GALNT13: variants seen among roughly 807,000 people sequenced by gnomAD.
GALNT13 encodes UDP-GalNAc:polypeptide N-acetylgalactosaminyltransferase 13.
In GALNT13, 28 loss-of-function variants were observed where a neutral mutation model predicts 64.2. The ratio of observed to expected loss-of-function variants is 0.44; its 90% CI spans 0.32 to 0.60. The LOEUF (loss-of-function observed/expected upper bound fraction) is 0.60, where lower values mean the gene tolerates loss of function less well. Among genes scored for constraint, GALNT13 ranks in the 20% least tolerant of loss-of-function variants. The probability of loss-of-function intolerance (pLI) is 0.05; values close to 1 mark genes in which losing one functional copy is unlikely to be tolerated. For missense variants in GALNT13, 577 were observed against 669.8 expected, an observed-to-expected ratio of 0.86 and a Z score of 1.53; for synonymous variants, 214 against 224.6, an observed-to-expected ratio of 0.95 and a Z score of 0.42.
At chr2:153,197,663 G>A in the GALNT13 span, among the ~76,000 whole-genome samples, 1 of 152,198 alleles carries the variant, frequency 6.6e-6, no homozygotes, top group African/African-American at 2.4e-5. Flanking sequence ...TGGTTGTGTG[G>A]CAGTGAAGGC....
the GALNT13 span, among the ~76,000 whole-genome samples, chr2:153,336,008 C>T: frequency 0.021 from 3,271 of 152,286 alleles, 135 homozygotes; most frequent in African/African-American, 0.073. Context: ...AGCCCCAAGC[C>T]TTGGCATCTT....
At chr2:153,880,338 A>C in intron 1 of GALNT13, among the ~76,000 whole-genome samples, 1 of 152,160 alleles carries the variant, frequency 6.6e-6, no homozygotes, top group Admixed American at 6.5e-5. Flanking sequence ...TAATACACTA[A>C]AATAATCTTG....
chr2:153,557,587 A>G, the GALNT13 span, among the ~76,000 whole-genome samples: 30 of 152,278 alleles, frequency 2.0e-4, no homozygotes, highest in East Asian at 4.8e-3. Flanking sequence ...TTGCAACACC[A>G]GTTTGCAATC....
At chr2:154,166,633 A>G (rs2105685212) in intron 4 of GALNT13, among the ~76,000 whole-genome samples, 1 of 152,328 alleles carries the variant, frequency 6.6e-6, no homozygotes, top group Non-Finnish European at 1.5e-5. Flanking sequence ...CTGGGTATAT[A>G]CCCAAAGGAT....
intron 4 of GALNT13, among the ~76,000 whole-genome samples, chr2:154,223,448 C>CT (rs61230257): frequency 0.011 from 1,321 of 124,250 alleles, 12 homozygotes; most frequent in African/African-American, 0.016. Context: ...TTTTCTTTTT[C>CT]TTTTTTTTTT....
At chr2:153,635,402 A>ATATATATATATACACATATATGTG in the GALNT13 span, among the ~76,000 whole-genome samples, 1 of 110,574 alleles carries the variant, frequency 9.0e-6, no homozygotes, top group South Asian at 2.9e-4. Flanking sequence ...AAATATGTAT[A>ATATATATATATACACATATATGTG]TATATATATA....
chr2:153,245,080 C>T, the GALNT13 span, among the ~76,000 whole-genome samples: 1 of 152,254 alleles, frequency 6.6e-6, no homozygotes, highest in Non-Finnish European at 1.5e-5. Flanking sequence ...TTCCTCCTCA[C>T]TGCGCAGGGG....
intron 2 of GALNT13, among the ~76,000 whole-genome samples, chr2:153,937,794 G>A (rs1691050206): frequency 6.6e-6 from 1 of 152,096 alleles, no homozygotes; most frequent in Non-Finnish European, 1.5e-5. Context: ...AGGAGTACAC[G>A]GTTTATGGCC....
At chr2:153,165,686 T>A in the GALNT13 span, among the ~76,000 whole-genome samples, 1 of 152,152 alleles carries the variant, frequency 6.6e-6, no homozygotes, top group Non-Finnish European at 1.5e-5. Context: ...TTGCATAGGT[T>A]GTATTTATTA....
At chr2:154,354,832 C>G in intron 9 of GALNT13, among the ~76,000 whole-genome samples, 1 of 151,808 alleles carries the variant, frequency 6.6e-6, no homozygotes, top group East Asian at 2.0e-4. Flanking sequence ...TAATTTGTAA[C>G]CTTAGTTTCT....
the GALNT13 span, among the ~76,000 whole-genome samples, chr2:153,192,074 T>A: frequency 2.0e-5 from 3 of 152,102 alleles, no homozygotes; most frequent in East Asian, 5.8e-4. Context: ...TTATTATTTC[T>A]TTAATAATTT....
the GALNT13 span, among the ~76,000 whole-genome samples, chr2:153,103,353 A>C: frequency 6.6e-6 from 1 of 152,186 alleles, no homozygotes; most frequent in East Asian, 1.9e-4. Flanking sequence ...ACTCTTCAAA[A>C]CTACTCATGT....
At chr2:153,992,774 C>G (rs1231913290) in intron 3 of GALNT13, among the ~76,000 whole-genome samples, 2 of 152,052 alleles carry the variant, frequency 1.3e-5, no homozygotes, top group African/African-American at 4.8e-5. Flanking sequence ...TAAAGTGGAA[C>G]AAAAAAGCAG....
the GALNT13 span, among the ~76,000 whole-genome samples, chr2:153,405,331 A>T: frequency 6.6e-6 from 1 of 152,214 alleles, no homozygotes; most frequent in Non-Finnish European, 1.5e-5. Context: ...GACTTAATTT[A>T]GTCAGCCTGA....
the GALNT13 span, among the ~76,000 whole-genome samples, chr2:153,587,297 C>A: frequency 6.6e-6 from 1 of 151,334 alleles, no homozygotes; most frequent in Non-Finnish European, 1.5e-5. Context: ...ACAAAACATA[C>A]CAAAACTTGG....
At chr2:154,443,278 T>C (rs911141708) in intron 12 of GALNT13, among the ~76,000 whole-genome samples, 2 of 152,098 alleles carry the variant, frequency 1.3e-5, no homozygotes, top group African/African-American at 4.8e-5. Flanking sequence ...TCCTATATGT[T>C]AAATGATTAC....
chr2:154,128,018 T>C (rs1487548927), intron 3 of GALNT13, among the ~76,000 whole-genome samples: 1 of 152,004 alleles, frequency 6.6e-6, no homozygotes, highest in Non-Finnish European at 1.5e-5. Context: ...CAAAAGTAAG[T>C]ACACACGATA....
chr2:153,251,249 T>C, the GALNT13 span, among the ~76,000 whole-genome samples: 1 of 152,208 alleles, frequency 6.6e-6, no homozygotes. Flanking sequence ...ATAATTCTAA[T>C]ATGACTTAGT....
chr2:154,007,940 C>T (rs1426994417), intron 3 of GALNT13, among the ~76,000 whole-genome samples: 1 of 149,024 alleles, frequency 6.7e-6, no homozygotes, highest in Non-Finnish European at 1.5e-5. Flanking sequence ...AAAGATAGAA[C>T]CCTTCATATT....
Sources: gnomAD v4.1 joint callset for allele counts (sites outside exome capture counted in the v4.1 genomes callset) on GRCh38, gnomAD v4.1.1 for gene constraint, MANE v1.5 for transcripts, NCBI Gene and HGNC (gene_info 2026-07-23, HGNC 2026-07-21) for gene names.